The following SYNJ2 variants were observed in gnomAD, a reference collection of about 807,000 sequenced individuals.
The protein encoded by SYNJ2 is polyphosphatidylinositol phosphatase SYNJ2.
SYNJ2 carries 116 observed loss-of-function variants against 141.3 expected under a neutral mutation model. The ratio of observed to expected loss-of-function variants is 0.82; its 90% CI spans 0.71 to 0.96. The LOEUF is 0.96. Ranked by LOEUF, SYNJ2 falls within the 40% of genes least tolerant of loss-of-function variation. The pLI is 0.00. For synonymous variants in SYNJ2, 745 were observed against 777.7 expected (o/e 0.96, Z 0.70); for missense variants, 1,873 against 1,934.8 (o/e 0.97, Z 0.60).
At chr6:157,995,346 G>A (rs1777599196) in intron 1 of SYNJ2, among the ~76,000 whole-genome samples, 1 of 152,134 alleles carries the variant, frequency 6.6e-6, no homozygotes, top group African/African-American at 2.4e-5. Flanking sequence ...AAAGACTTGA[G>A]GGGTGCTCCT....
chr6:158,038,051 A>G (rs1203230557), intron 4 of SYNJ2, among the ~76,000 whole-genome samples: 1 of 152,136 alleles, frequency 6.6e-6, no homozygotes, highest in Non-Finnish European at 1.5e-5. Context: ...CCTTGCCCCC[A>G]CATCTCCTGA....
At chr6:158,029,623 A>T (rs559519189) in intron 3 of SYNJ2, among the ~76,000 whole-genome samples, 1 of 152,008 alleles carries the variant, frequency 6.6e-6, no homozygotes, top group Non-Finnish European at 1.5e-5. Context: ...ATAAGAGCCG[A>T]CGTCTGCTGA....
intron 1 of SYNJ2, among the ~76,000 whole-genome samples, chr6:157,994,143 C>T (rs937445920): frequency 4.6e-5 from 7 of 152,106 alleles, no homozygotes; most frequent in Non-Finnish European, 1.5e-5. Context: ...TTTTATCTGT[C>T]TGTTTAAACT....
chr6:158,098,589 G>A lies in SYNJ2; in HGVS notation c.*2225G>A, dbSNP rs1212545967. On this transcript the variant is annotated 3_prime_UTR_variant, in exon 27 of 27. Transcript: ENST00000355585. ...TGCCTTATTTATTTTTAAAATCAAT[G>A]CTTACTAGTTGGTAGGATTCCCAGG... 3.3e-5 allele frequency: 5 copies of A among 151,478 alleles called. No homozygotes were observed. Among genetic ancestry groups the A allele is most frequent in the African/African-American group, 1.2e-4 (5 of 41,224 alleles). The allele number at this position is 151,478 out of a possible 1,614,324, so 9.4% of individuals were successfully genotyped here. A position where few individuals can be genotyped will look rare whatever the true frequency, so the allele number is the denominator to read the frequency against.
intron 1 of SYNJ2, among the ~76,000 whole-genome samples, chr6:157,999,269 C>T (rs549543317): frequency 2.0e-5 from 3 of 152,372 alleles, no homozygotes; most frequent in South Asian, 4.1e-4. Flanking sequence ...TGCCCCGTCT[C>T]CAGCCCCACT....
chr6:158,064,956 A>G lies in SYNJ2; in HGVS notation c.1490A>G (p.Lys497Arg). 1 of 1,609,696 alleles carries G rather than the reference A, an allele frequency of 6.2e-7. No homozygotes were observed. Among genetic ancestry groups the G allele is most frequent in the African/African-American group, 1.3e-5 (1 of 74,980 alleles). ...GDVYGEEVADKGGMLLDSTAL... is the reference protein window; with the variant it reads ...GDVYGEEVADRGGMLLDSTAL... ...GTCTACGGCGAGGAGGTGGCAGACAAAGGGGGCATGCTGCTGGACAGCACG... is the reference window on the plus strand; with the variant it reads ...GTCTACGGCGAGGAGGTGGCAGACAGAGGGGGCATGCTGCTGGACAGCACG... The change falls in exon 11 of 27, where the codon AAA becomes AGA. Residue 497 changes from lysine (K) to arginine (R), a missense_variant. By Grantham distance (26) the Lys-to-Arg change is conservative (BLOSUM62 2). Transcript: ENST00000355585.
intron 25 of SYNJ2, among the ~76,000 whole-genome samples, chr6:158,092,655 C>T (rs1423553775): frequency 6.6e-6 from 1 of 152,060 alleles, no homozygotes; most frequent in Non-Finnish European, 1.5e-5. Flanking sequence ...ATCCCAGCTA[C>T]TCAGGAGGCT....
chr6:158,062,979 G>T (rs1248938647), intron 8 of SYNJ2, among the ~76,000 whole-genome samples: 1 of 152,086 alleles, frequency 6.6e-6, no homozygotes, highest in African/African-American at 2.4e-5. Flanking sequence ...GTTAAGATAA[G>T]CTTTGTCCCT....
rs562911200 is a variant in SYNJ2, at chr6:158,056,566, A to G, written c.857+1538A>G. On this transcript the variant is annotated intron_variant, in intron 6 of 26. Transcript: ENST00000355585. ...GACTATGTTCCCCTCATTCGAGATA[A>G]CGTTTGGAAATAAGGTGACATGTCT... is the stretch of plus-strand genomic sequence containing the variant. 4.6e-5 allele frequency among the ~76,000 whole-genome samples: 7 copies of G among 152,198 alleles called. No homozygotes were observed. In the South Asian group the frequency reaches 1.5e-3, roughly 32 times the overall value.
At chr6:157,992,904 T>A (rs1438116724) in intron 1 of SYNJ2, among the ~76,000 whole-genome samples, 1 of 152,208 alleles carries the variant, frequency 6.6e-6, no homozygotes, top group Non-Finnish European at 1.5e-5. Flanking sequence ...GCAACTAACA[T>A]GGGAGTGCAG....
At chr6:157,987,914 C>T (rs1777266999) in intron 1 of SYNJ2, among the ~76,000 whole-genome samples, 1 of 152,234 alleles carries the variant, frequency 6.6e-6, no homozygotes, top group South Asian at 2.1e-4. Context: ...GAAGGGTCGA[C>T]CACAGCCTGG....
rs1365359881 is a variant in SYNJ2, at chr6:157,982,251, G to A, written c.127+163G>A. The stretch of plus-strand genomic sequence containing the variant: ...GGGGTGGCTGTTTGAATGAAGTGGG[G>A]CTGGGGACTCGAGAGAGCACTCTGG... On this transcript the variant is annotated intron_variant, in intron 1 of 26. Coordinates refer to ENST00000355585, the MANE Select transcript of SYNJ2 (RefSeq NM_003898.4). The surrounding 1 kb of genome is among the most constrained non-coding windows in gnomAD (Gnocchi z 4.0). 6.6e-6 allele frequency among the ~76,000 whole-genome samples: 1 copy of A among 152,184 alleles called. No individual in the cohort carries two copies. Among genetic ancestry groups the A allele is most frequent in the Non-Finnish European group, 1.5e-5 (1 of 68,022 alleles).
intron 12 of SYNJ2, among the ~76,000 whole-genome samples, 183 bp from the exon 13 acceptor site, chr6:158,068,464 T>C (rs987942778): frequency 1.3e-5 from 2 of 152,248 alleles, no homozygotes; most frequent in Non-Finnish European, 1.5e-5. Context: ...CACTGCTGCA[T>C]TTAAGCCAGG....
upstream of SYNJ2, among the ~76,000 whole-genome samples, chr6:157,981,296 G>T (rs1177863147): frequency 1.3e-5 from 2 of 152,260 alleles, no homozygotes; most frequent in Non-Finnish European, 2.9e-5. This position sits in a 1 kb window ranked among gnomAD's most constrained non-coding sequence, Gnocchi z 6.4. Flanking sequence ...CAGCCTCCGG[G>T]ATAGAACGCT....
chr6:158,007,481 T>G (rs1369950430), intron 1 of SYNJ2, among the ~76,000 whole-genome samples: 1 of 152,234 alleles, frequency 6.6e-6, no homozygotes, highest in Non-Finnish European at 1.5e-5. Context: ...CTTCCATTGT[T>G]CAGGCAATGA....
intron 4 of SYNJ2, 109 bp downstream of exon 4, chr6:158,033,789 C>G: frequency 8.8e-7 from 1 of 1,140,816 alleles, no homozygotes. Context: ...TTGTGGTGGT[C>G]TCTGATCAGG....
At chr6:158,077,106 C>T (rs1423493004) in intron 17 of SYNJ2, among the ~76,000 whole-genome samples, 1 of 152,090 alleles carries the variant, frequency 6.6e-6, no homozygotes, top group Non-Finnish European at 1.5e-5. Context: ...AGCCATTCTC[C>T]TGCCTCAGCC....
chr6:158,020,277 C>T (rs9459147), intron 2 of SYNJ2, among the ~76,000 whole-genome samples: 1 of 72,938 alleles, frequency 1.4e-5, no homozygotes, highest in Non-Finnish European at 2.6e-5. Flanking sequence ...CCCCCACCTG[C>T]GTGACTCCGA....
At chr6:158,017,472 T>G (rs1778526195) in intron 2 of SYNJ2, 182 bp downstream of exon 2, 2 of 841,502 alleles carry the variant, frequency 2.4e-6, no homozygotes, top group Admixed American at 6.4e-5. Context: ...TGCAGTGCAA[T>G]GGCGCGATCT....
Sources: gnomAD v4.1 joint callset for allele counts (sites outside exome capture counted in the v4.1 genomes callset) on GRCh38, gnomAD v4.1.1 for gene constraint, Gnocchi (gnomAD v3.1) non-coding constraint, MANE v1.5 for transcripts, NCBI Gene and HGNC (gene_info 2026-07-23, HGNC 2026-07-21) for gene names.